Variants in PCLO observed in about 807,000 individuals in gnomAD.
PCLO encodes the protein protein piccolo.
PCLO carries 82 observed loss-of-function variants against 427.5 expected under a neutral mutation model. That is an observed-to-expected ratio of 0.19 (90% confidence interval 0.16 to 0.23). The LOEUF is 0.23. Among genes scored for constraint, PCLO ranks in the 10% least tolerant of loss-of-function variants. The pLI is 1.00. For missense variants in PCLO, 6,239 were observed against 6,115.9 expected, an observed-to-expected ratio of 1.02 and a Z score of -0.67; for synonymous variants, 2,357 against 2,155.4, an observed-to-expected ratio of 1.09 and a Z score of -2.59.
chr7:82,894,994 G>C (rs919364585), intron 9 of PCLO, among the ~76,000 whole-genome samples: 2 of 152,052 alleles, frequency 1.3e-5, no homozygotes, highest in Non-Finnish European at 2.9e-5. Flanking sequence ...TCAGTGGAAA[G>C]TAAAATCATA....
At chr7:83,066,792 A>G (rs1353158989) in intron 3 of PCLO, among the ~76,000 whole-genome samples, 1 of 152,182 alleles carries the variant, frequency 6.6e-6, no homozygotes, top group African/African-American at 2.4e-5. Flanking sequence ...AAATAAAAAT[A>G]ATACGGGCCT....
chr7:83,125,254 C>A (rs1261861315), intron 3 of PCLO, among the ~76,000 whole-genome samples: 1 of 151,960 alleles, frequency 6.6e-6, no homozygotes, highest in Non-Finnish European at 1.5e-5. Flanking sequence ...CCGGCCGCCA[C>A]CCCATCTGAG....
chr7:83,119,239 AC>A (rs1791213983), intron 3 of PCLO, among the ~76,000 whole-genome samples: 1 of 152,122 alleles, frequency 6.6e-6, no homozygotes, highest in Non-Finnish European at 1.5e-5. Flanking sequence ...TTCAGATGTG[AC>A]CCAGTGCAAT....
In PCLO at chr7:82,959,489, G is replaced by A. The variant is rs543068901; in HGVS notation, c.4018-2554C>T. On this transcript the variant is annotated intron_variant, in intron 4 of 24. Transcript: ENST00000333891. ...TTCAGAGGACCATTTAAAAAGTTAC[G>A]GTTTTATATAATGGATTCTGAAGGT... Among the ~76,000 whole-genome samples the A allele has an allele frequency of 1.7e-3, 256 of 152,090 alleles. 3 individuals carry two copies. Among genetic ancestry groups the A allele is most frequent in the South Asian group, 8.7e-3 (42 of 4,818 alleles).
At chr7:82,827,706 T>A (rs1266217513) in intron 17 of PCLO, among the ~76,000 whole-genome samples, 167 bp downstream of exon 17, 2 of 152,108 alleles carry the variant, frequency 1.3e-5, no homozygotes, top group Non-Finnish European at 2.9e-5. Context: ...CACCCTGTGC[T>A]TAAATGTCAC....
At chr7:82,820,713 A>G in intron 20 of PCLO, 1 of 1,231,166 alleles carries the variant, frequency 8.1e-7, no homozygotes, top group African/African-American at 1.5e-5. Flanking sequence ...TTGAAATAAT[A>G]GGCAAAAAAC....
At chr7:83,074,175 T>TA (rs765796493) in intron 3 of PCLO, among the ~76,000 whole-genome samples, 5 of 151,980 alleles carry the variant, frequency 3.3e-5, no homozygotes, top group African/African-American at 4.8e-5. Flanking sequence ...TTCTAGTATC[T>TA]AATGTGTGAA....
At chr7:83,161,136 G>A (rs917505862) in intron 1 of PCLO, among the ~76,000 whole-genome samples, 10 of 152,122 alleles carry the variant, frequency 6.6e-5, no homozygotes, top group African/African-American at 2.2e-4. Context: ...AAGCATTTAA[G>A]ATTTTATGTG....
chr7:83,079,451 GGAA>G (rs71522644), intron 3 of PCLO, among the ~76,000 whole-genome samples: 2 of 151,908 alleles, frequency 1.3e-5, no homozygotes, highest in East Asian at 1.9e-4. Flanking sequence ...GGGAGGAGAA[GGAA>G]GAAGAAGAAG....
intron 3 of PCLO, among the ~76,000 whole-genome samples, chr7:83,051,750 AT>A (rs1789259820): frequency 6.6e-6 from 1 of 152,182 alleles, no homozygotes; most frequent in Non-Finnish European, 1.5e-5. Context: ...AGCCATCAGA[AT>A]ACTGAAGAAG....
chr7:82,945,513 C>T (rs1419905014), intron 6 of PCLO, among the ~76,000 whole-genome samples: 2 of 152,016 alleles, frequency 1.3e-5, no homozygotes, highest in African/African-American at 4.8e-5. Context: ...TAGAGTAGGC[C>T]TAAATCAATA....
At chr7:82,829,874 A>C (rs1562805785) in intron 16 of PCLO, among the ~76,000 whole-genome samples, 1 of 152,080 alleles carries the variant, frequency 6.6e-6, no homozygotes, top group South Asian at 2.1e-4. Flanking sequence ...CATTTCAATG[A>C]AATAGTAAGT....
intron 3 of PCLO, among the ~76,000 whole-genome samples, chr7:83,046,374 T>C (rs1023534982): frequency 6.6e-6 from 1 of 152,092 alleles, no homozygotes; most frequent in Non-Finnish European, 1.5e-5. Flanking sequence ...TATTCTCTGT[T>C]GTATATATTT....
At chr7:83,160,178 AAGAC>A (rs1453554769) in intron 1 of PCLO, among the ~76,000 whole-genome samples, 24 of 152,164 alleles carry the variant, frequency 1.6e-4, no homozygotes, top group African/African-American at 5.3e-4. Context: ...TCAATGGACT[AAGAC>A]AGGTGAGATA....
chr7:83,048,895 C>G (rs1789166831), intron 3 of PCLO, among the ~76,000 whole-genome samples: 1 of 152,144 alleles, frequency 6.6e-6, no homozygotes, highest in South Asian at 2.1e-4. Context: ...ATTTAACATG[C>G]ACTTTACCTA....
intron 3 of PCLO, among the ~76,000 whole-genome samples, chr7:83,079,956 A>G (rs1325980522): frequency 6.6e-6 from 1 of 151,960 alleles, no homozygotes; most frequent in Non-Finnish European, 1.5e-5. Context: ...CCCACTTATA[A>G]GTGAGAACAT....
chr7:82,763,679 C>T (rs746168798), intron 22 of PCLO, among the ~76,000 whole-genome samples: 6 of 152,044 alleles, frequency 3.9e-5, no homozygotes, highest in Non-Finnish European at 7.4e-5. Context: ...TCTCTCCTCG[C>T]TCTCTTCCTC....
At chr7:83,038,065 T>TATTTATATA (rs1788866864) in intron 3 of PCLO, among the ~76,000 whole-genome samples, 8 of 31,544 alleles carry the variant, frequency 2.5e-4, no homozygotes, top group African/African-American at 1.1e-3. Context: ...ATATATATAT[T>TATTTATATA]TATATATTTA....
chr7:83,048,224 A>G (rs1025937544), intron 3 of PCLO, among the ~76,000 whole-genome samples: 12 of 152,050 alleles, frequency 7.9e-5, no homozygotes, highest in Admixed American at 2.0e-4. Context: ...TGGCATTACT[A>G]TATCTAGTAT....
Sources: allele counts gnomAD v4.1 joint callset (sites outside exome capture counted in the v4.1 genomes callset), GRCh38; gene constraint gnomAD v4.1.1; transcripts MANE v1.5; gene names NCBI Gene and HGNC (gene_info 2026-07-23, HGNC 2026-07-21).